The following AP3D1 variants were observed in gnomAD, a reference collection of about 807,000 sequenced individuals.
AP3D1 encodes adaptor related protein complex 3 subunit delta 1, also known as AP-3 complex subunit delta-1.
AP3D1 carries 51 observed loss-of-function variants against 147.6 expected under a neutral mutation model. The ratio of observed to expected loss-of-function variants is 0.35; its 90% CI spans 0.28 to 0.44. The LOEUF is 0.44. Among genes scored for constraint, AP3D1 ranks in the 20% least tolerant of loss-of-function variants. The probability of loss-of-function intolerance (pLI) is 1.00; values close to 1 mark genes in which losing one functional copy is unlikely to be tolerated. For missense variants in AP3D1, 1,421 were observed against 1,624.2 expected (o/e 0.87, Z 2.15); for synonymous variants, 760 against 663.0 (o/e 1.15, Z -2.25).
At chr19:2,108,876 C>A in intron 30 of AP3D1, 110 bp from the exon 31 acceptor site, 1 of 1,354,554 alleles carries the variant, frequency 7.4e-7, no homozygotes, top group Non-Finnish European at 1.0e-6. Context: ...CTTCAGGAGG[C>A]CTGTAGGAGC....
Position 2,117,495 on chromosome 19 carries a change from A to G in AP3D1, c.1714-128T>C, listed in dbSNP as rs2018491579. 8 of 1,025,356 alleles carry G rather than the reference A, an allele frequency of 7.8e-6. No individual in the cohort carries two copies. In the Admixed American group the frequency reaches 2.6e-4, roughly 33 times the overall value. 63.5% of individuals were successfully genotyped at this position (1,025,356 alleles called of 1,614,324 possible). ...CCCCCTGGTACAGCCACATAGCCAC[A>G]GAGAGCCCAGCCTTCATGCCGTCTC... On this transcript the variant is annotated intron_variant, in intron 15 of 31. Transcript: ENST00000643116.
intron 1 of AP3D1, among the ~76,000 whole-genome samples, chr19:2,150,402 G>C (rs1405148425): frequency 1.3e-5 from 2 of 152,198 alleles, no homozygotes; most frequent in Non-Finnish European, 2.9e-5. Context: ...TTCAATCTAG[G>C]TCACAGGTTG....
upstream of AP3D1, among the ~76,000 whole-genome samples, chr19:2,151,807 A>C (rs1254902033): frequency 6.6e-6 from 1 of 152,222 alleles, no homozygotes; most frequent in South Asian, 2.1e-4. Flanking sequence ...CCTAGTTCTG[A>C]GCCCTAGCCA....
intron 5 of AP3D1, 85 bp downstream of exon 5, chr19:2,132,386 T>C (rs375157322): frequency 1.5e-6 from 2 of 1,294,514 alleles, no homozygotes. Context: ...GGTTTCCGCA[T>C]AGCCAAGCTT....
chr19:2,137,745 G>A lies in AP3D1; in HGVS notation c.255C>T (p.Ala85=), dbSNP rs759243187. The change falls in exon 3 of 32, where the codon GCC becomes GCT. Residue 85 remains alanine, a synonymous_variant. Coordinates refer to ENST00000643116, the MANE Select transcript of AP3D1 (RefSeq NM_001261826.3). ...ACCTCACCTTGAAGGTGAACTTGGA[G>A]GCACTCATCACTTCTATGATGTTGA... ...AAFNIIEVMS[A]SKFTFKRIGY... The A allele has an allele frequency of 6.2e-7, 1 of 1,613,972 alleles. No homozygotes were observed. Among genetic ancestry groups the A allele is most frequent in the African/African-American group, 1.3e-5 (1 of 75,028 alleles).
At chr19:2,118,561 C>G (rs572233478) in intron 15 of AP3D1, 40 bp downstream of exon 15, 20 of 1,571,238 alleles carry the variant, frequency 1.3e-5, no homozygotes, top group Middle Eastern at 2.0e-4. Context: ...GCACTGAGGG[C>G]TCCCTGAGGC....
intron 18 of AP3D1, 113 bp from the exon 19 acceptor site, chr19:2,115,726 G>A (rs2018427731): frequency 1.7e-6 from 2 of 1,170,446 alleles, no homozygotes; most frequent in Non-Finnish European, 2.4e-6. Context: ...AGGAGCTGGG[G>A]TCCTGCCAGA....
At chr19:2,128,001 G>T (rs886357288) in intron 8 of AP3D1, among the ~76,000 whole-genome samples, 1 of 152,202 alleles carries the variant, frequency 6.6e-6, no homozygotes, top group African/African-American at 2.4e-5. Context: ...ATGCTACACT[G>T]CTCACATGGT....
chr19:2,117,803 G>A (rs74984359), intron 15 of AP3D1, among the ~76,000 whole-genome samples: 8,264 of 152,266 alleles, frequency 0.054, 334 homozygotes, highest in East Asian at 0.21. Context: ...CCGGGGCCAC[G>A]CCCCATGCAG....
At position 2,120,888 on chromosome 19, in the gene AP3D1, G is replaced by A. The variant is rs368350456; in HGVS notation, c.1455C>T (p.Ala485=). The A allele has an allele frequency of 7.9e-5, 128 of 1,610,220 alleles. 3 individuals carry two copies. The South Asian group carries it at 8.1e-4, about 10-fold the overall frequency. The part of the protein sequence containing the change: ...RNGICEVLYA[A]AWICGEFSEH... The stretch of plus-strand genomic sequence containing the variant: ...CTGAGAACTCCCCGCAGATCCAGGC[G>A]GCAGCGTACAGCACCTCACAGATCC... The change falls in exon 14 of 32, where the codon GCC becomes GCT. Residue 485 remains alanine, a synonymous_variant. Coordinates refer to ENST00000643116, the MANE Select transcript of AP3D1 (RefSeq NM_001261826.3).
At chr19:2,144,716 A>C (rs1311484095) in intron 1 of AP3D1, among the ~76,000 whole-genome samples, 1 of 152,190 alleles carries the variant, frequency 6.6e-6, no homozygotes, top group Non-Finnish European at 1.5e-5. Context: ...CAGCTTGGTC[A>C]ACATGGTGAA....
At position 2,111,826 on chromosome 19, in the gene AP3D1, T is replaced by C; in HGVS notation, c.2790A>G (p.Lys930=). Residue 930 remains lysine, a splice_region_variant and synonymous_variant, in exon 25 of 32, where the codon AAA becomes AAG. Coordinates refer to ENST00000643116, the MANE Select transcript of AP3D1 (RefSeq NM_001261826.3). ...DDAEGQDQDK[K]SPKPKKKKHR... is the part of the protein sequence containing the mutation. ...GCTTCTTCTTCTTAGGCTTGGGAGA[T>C]TTCTGGAGCAAGAGGAGGGTCGGGT... 1 of 1,613,756 alleles carries C rather than the reference T, an allele frequency of 6.2e-7. No individual in the cohort carries two copies. Among genetic ancestry groups the C allele is most frequent in the Non-Finnish European group, 8.5e-7 (1 of 1,179,954 alleles).
At chr19:2,125,769 G>A (rs1465066050) in intron 9 of AP3D1, among the ~76,000 whole-genome samples, 1 of 151,792 alleles carries the variant, frequency 6.6e-6, no homozygotes, top group Non-Finnish European at 1.5e-5. Context: ...TGTGCTATTT[G>A]ACAATCTAGA....
intron 16 of AP3D1, 200 bp from the exon 17 acceptor site, chr19:2,116,946 C>T (rs2018473022): frequency 1.0e-5 from 9 of 880,346 alleles, no homozygotes; most frequent in Non-Finnish European, 1.3e-5. Context: ...GGCAGGGTCA[C>T]AGTGGGGCCC....
Position 2,116,753 on chromosome 19 carries a change from C to A in AP3D1, c.1860-7G>T. On this transcript the variant is annotated splice_region_variant and splice_polypyrimidine_tract_variant and intron_variant, in intron 16 of 31. Coordinates refer to ENST00000643116, the MANE Select transcript of AP3D1 (RefSeq NM_001261826.3). ...CCAGGCGTCCAGGTCCAGGCTGCAC[C>A]GGACAGGAGGGCCACACAAGGCAGT... 6.2e-7 allele frequency: 1 copy of A among 1,603,010 alleles called. No individual in the cohort carries two copies. Among genetic ancestry groups the A allele is most frequent in the Non-Finnish European group, 8.5e-7 (1 of 1,174,912 alleles).
chr19:2,103,349 C>T lies in AP3D1; in HGVS notation c.3553-1081G>A, dbSNP rs147683937. Among the ~76,000 whole-genome samples, 20 of 152,206 alleles carry T rather than the reference C, an allele frequency of 1.3e-4. No individual in the cohort carries two copies. The East Asian group carries it at 2.9e-3, about 22-fold the overall frequency. On this transcript the variant is annotated intron_variant, in intron 31 of 31. Transcript: ENST00000643116. ...GGGCCCTGAGGCAGCCAGAGGCAGCCGGGGATGAAGACCAGAATCCGAAGA... is the reference window on the plus strand; with the variant it reads ...GGGCCCTGAGGCAGCCAGAGGCAGCTGGGGATGAAGACCAGAATCCGAAGA...
At position 2,129,086 on chromosome 19, in the gene AP3D1, T is replaced by C. The variant is rs747924717; in HGVS notation, c.806+4A>G. ...CGCCCCCACCGCGCATGGCCTGCAC[T>C]CACCTGTGGATGAGATTGGTGAGGG... On this transcript the variant is annotated splice_donor_region_variant and intron_variant, in intron 8 of 31. Transcript: ENST00000643116. 6 of 1,577,830 alleles carry C rather than the reference T, an allele frequency of 3.8e-6. 1 individual carries two copies. In the Admixed American group the frequency reaches 5.6e-5, roughly 15 times the overall value.
chr19:2,118,830 T>C lies in AP3D1; in HGVS notation c.1484A>G (p.His495Arg). The C allele has an allele frequency of 6.2e-7, 1 of 1,612,914 alleles. No individual in the cohort carries two copies. Among genetic ancestry groups the C allele is most frequent in the Non-Finnish European group, 8.5e-7 (1 of 1,179,640 alleles). ...CAAAGTGTGGTGTGGTTCCTGCAGA[T>C]GCCTGAGGACAGGAAACACTGTGAG... ...AAWICGEFSE[H>R]LQEPHHTLEA... The change falls in exon 15 of 32, where the codon CAT (histidine) becomes CGT (arginine). Residue 495 changes from histidine (H) to arginine (R), a missense_variant and splice_region_variant. This residue lies in a region of AP3D1 where 310 missense variants were observed against 388.1 expected (regional missense o/e 0.80). Coordinates refer to ENST00000643116, the MANE Select transcript of AP3D1 (RefSeq NM_001261826.3).
At chr19:2,123,555 C>T (rs1599464460) in intron 10 of AP3D1, 149 bp from the exon 11 acceptor site, 1 of 866,194 alleles carries the variant, frequency 1.2e-6, no homozygotes, top group Non-Finnish European at 1.8e-6. Flanking sequence ...CAAGCATGGC[C>T]CACATGGGGC....
Sources: allele counts gnomAD v4.1 joint callset (sites outside exome capture counted in the v4.1 genomes callset), GRCh38; gene constraint gnomAD v4.1.1; regional missense constraint gnomAD v4.1.1; transcripts MANE v1.5; gene names NCBI Gene and HGNC (gene_info 2026-07-23, HGNC 2026-07-21).